The following KLHL4 variants were observed in gnomAD, a reference collection of about 807,000 sequenced individuals.
KLHL4 encodes kelch like family member 4.
Under a neutral mutation model 45.8 loss-of-function variants are expected in KLHL4, and 17 were observed. That is an observed-to-expected ratio of 0.37 (90% CI 0.25 to 0.56). The LOEUF is 0.56. Among genes scored for constraint, KLHL4 ranks in the 20% least tolerant of loss-of-function variants. KLHL4 has a pLI of 0.79. For missense variants in KLHL4, 544 were observed against 544.9 expected (o/e 1.00, Z 0.02); for synonymous variants, 224 against 189.9 (o/e 1.18, Z -1.47).
At chrX:87,635,464 C>A in intron 8 of KLHL4, 99 bp from the exon 9 acceptor site, 1 of 601,643 alleles carries the variant, frequency 1.7e-6, no homozygotes. Flanking sequence ...ACTTGAAAAG[C>A]TTTGTACAAA....
rs921315249 is a variant in KLHL4, at chrX:87,618,198, C to T, written c.924+70C>T. 13 of 843,134 alleles carry T rather than the reference C, an allele frequency of 1.5e-5. No homozygotes were observed. In the Admixed American group the frequency reaches 1.6e-4, roughly 10 times the overall value. The allele number at this position is 843,134 out of a possible 1,213,427, so 69.5% of individuals were successfully genotyped here. A position where few individuals can be genotyped will look rare whatever the true frequency, so the allele number is the denominator to read the frequency against. Reference sequence around the variant, plus strand: ...ATGTTATAATAAAATTAATAAGCAACATAAACTTATATAACTTGTAGATGA... The same window carrying T: ...ATGTTATAATAAAATTAATAAGCAATATAAACTTATATAACTTGTAGATGA... On this transcript the variant is annotated intron_variant, in intron 4 of 10. Transcript: ENST00000373119.
chrX:87,638,685 A>G lies in KLHL4; in HGVS notation c.1925+2910A>G, dbSNP rs1373857020. 6.3e-5 allele frequency among the ~76,000 whole-genome samples: 7 copies of G among 111,894 alleles called. No individual in the cohort carries two copies. In the Admixed American group the frequency reaches 6.6e-4, roughly 11 times the overall value. On this transcript the variant is annotated intron_variant, in intron 9 of 10. Coordinates refer to ENST00000373119, the MANE Select transcript of KLHL4 (RefSeq NM_019117.5). ...GAAGCCAGCCCTACAAGAACTGCTA[A>G]AAGGAGCTCTAAATCATGAAAGAAA...
chrX:87,650,225 A>G (rs905197335), intron 9 of KLHL4, among the ~76,000 whole-genome samples: 6 of 110,700 alleles, frequency 5.4e-5, no homozygotes, highest in African/African-American at 2.0e-4. Flanking sequence ...CCTCCTTAGT[A>G]GTTGAGGCTA....
chrX:87,664,644 T>A, intron 9 of KLHL4, 120 bp from the exon 10 acceptor site: 1 of 476,738 alleles, frequency 2.1e-6, no homozygotes, highest in Non-Finnish European at 3.5e-6. Context: ...CTACATTTGA[T>A]ATTTGTATAG....
At position 87,571,183 on chromosome X, in the gene KLHL4, T is replaced by C. The variant is rs1932328201; in HGVS notation, c.423-42694T>C. The stretch of plus-strand genomic sequence containing the variant: ...GTGAGCTTCAAGGGTTAAACTGTAG[T>C]GTATAAATAAATTTTTAATCAATTC... On this transcript the variant is annotated intron_variant, in intron 1 of 10. Coordinates refer to ENST00000373119, the MANE Select transcript of KLHL4 (RefSeq NM_019117.5). 2.7e-5 allele frequency among the ~76,000 whole-genome samples: 3 copies of C among 111,098 alleles called. No homozygotes were observed. In the South Asian group the frequency reaches 1.1e-3, roughly 41 times the overall value.
At chrX:87,533,214 G>A (rs6614675) in intron 1 of KLHL4, among the ~76,000 whole-genome samples, 26,323 of 106,765 alleles carry the variant, frequency 0.25, 3,034 homozygotes, top group East Asian at 0.52. Context: ...GTATATACCC[G>A]AAGGACTATA....
chrX:87,642,206 C>T (rs1373424768), intron 9 of KLHL4, among the ~76,000 whole-genome samples: 2 of 111,184 alleles, frequency 1.8e-5, no homozygotes, highest in African/African-American at 6.6e-5. Flanking sequence ...AGATGGTTCA[C>T]ATCCCAGGAC....
rs773205344 is a variant in KLHL4 at position 87,658,167 on chromosome X, A to C, written c.1926-6597A>C. Among the ~76,000 whole-genome samples the C allele has an allele frequency of 2.7e-5, 3 of 111,779 alleles. No homozygotes were observed. In the South Asian group the frequency reaches 1.1e-3, roughly 42 times the overall value. Reference sequence around the variant, plus strand: ...GAAGACTTTCCTGGCTGGGACAATAACTGGGGCTCCCAGATGATACCCTTC... The same window carrying C: ...GAAGACTTTCCTGGCTGGGACAATACCTGGGGCTCCCAGATGATACCCTTC... On this transcript the variant is annotated intron_variant, in intron 9 of 10. Transcript: ENST00000373119.
intron 1 of KLHL4, among the ~76,000 whole-genome samples, chrX:87,536,622 C>A (rs920271527): frequency 2.7e-5 from 3 of 110,144 alleles, no homozygotes; most frequent in Non-Finnish European, 3.8e-5. Flanking sequence ...ACTGCTGCCA[C>A]CGAGACTCAA....
chrX:87,590,594 A>G (rs1304035002), intron 1 of KLHL4, among the ~76,000 whole-genome samples: 1 of 111,879 alleles, frequency 8.9e-6, no homozygotes, highest in Non-Finnish European at 1.9e-5. Flanking sequence ...AAAATATATT[A>G]CAAAGGGATA....
chrX:87,561,241 G>A (rs1464672992), intron 1 of KLHL4, among the ~76,000 whole-genome samples: 3 of 110,661 alleles, frequency 2.7e-5, no homozygotes, highest in Non-Finnish European at 5.7e-5. Flanking sequence ...GACAGCACCT[G>A]GTTTGAACTT....
chrX:87,631,985 A>T (rs1030431957), intron 6 of KLHL4, among the ~76,000 whole-genome samples: 6 of 112,030 alleles, frequency 5.4e-5, no homozygotes, highest in Non-Finnish European at 1.1e-4. Flanking sequence ...AACATATTAC[A>T]TAAAACATTT....
At chrX:87,547,887 G>GCAGAT (rs1165760448) in intron 1 of KLHL4, among the ~76,000 whole-genome samples, 1 of 111,080 alleles carries the variant, frequency 9.0e-6, no homozygotes, top group East Asian at 2.8e-4. Context: ...ATTTAAAAGG[G>GCAGAT]CAGATCTTAA....
chrX:87,669,026 G>T lies in KLHL4; in HGVS notation c.*2492G>T. The stretch of plus-strand genomic sequence containing the variant: ...AGGGCACTCAAACATAACTGTGCTT[G>T]TCTCAGTCAAACTTAATTGGGAAAA... On this transcript the variant is annotated 3_prime_UTR_variant, in exon 11 of 11. Transcript: ENST00000373119. The T allele has an allele frequency of 1.2e-6, 1 of 843,249 alleles. No homozygotes were observed. Among genetic ancestry groups the T allele is most frequent in the Non-Finnish European group, 1.4e-6 (1 of 696,831 alleles). The allele number at this position is 843,249 out of a possible 1,213,427, so 69.5% of individuals were successfully genotyped here. A position where few individuals can be genotyped will look rare whatever the true frequency, so the allele number is the denominator to read the frequency against.
intron 9 of KLHL4, among the ~76,000 whole-genome samples, chrX:87,637,196 G>A (rs1425265045): frequency 9.0e-6 from 1 of 111,495 alleles, no homozygotes; most frequent in African/African-American, 3.3e-5. Flanking sequence ...CCCCACCCCA[G>A]TAGCTCTGCT....
chrX:87,531,492 C>A (rs1188816016), intron 1 of KLHL4, among the ~76,000 whole-genome samples: 1 of 109,460 alleles, frequency 9.1e-6, no homozygotes, highest in Non-Finnish European at 1.9e-5. Flanking sequence ...GGCAATTAGG[C>A]AGGAGAAGGA....
At chrX:87,636,453 A>C (rs1348701085) in intron 9 of KLHL4, among the ~76,000 whole-genome samples, 5 of 111,819 alleles carry the variant, frequency 4.5e-5, no homozygotes, top group Non-Finnish European at 9.4e-5. Context: ...TACCGCAGGA[A>C]CATAACAGGA....
chrX:87,584,265 T>C (rs2147796503), intron 1 of KLHL4, among the ~76,000 whole-genome samples: 1 of 111,683 alleles, frequency 9.0e-6, no homozygotes, highest in East Asian at 2.8e-4. Flanking sequence ...AGACAATAAA[T>C]ACTACAATAA....
At chrX:87,591,747 G>C (rs1921672238) in intron 1 of KLHL4, among the ~76,000 whole-genome samples, 1 of 111,433 alleles carries the variant, frequency 9.0e-6, no homozygotes, top group Non-Finnish European at 1.9e-5. Flanking sequence ...TATTAGGTGG[G>C]ATATTTACAG....
Sources: allele counts gnomAD v4.1 joint callset (sites outside exome capture counted in the v4.1 genomes callset), GRCh38; gene constraint gnomAD v4.1.1; transcripts MANE v1.5; gene names NCBI Gene and HGNC (gene_info 2026-07-23, HGNC 2026-07-21).